FRAS1: variants seen among roughly 807,000 people sequenced by gnomAD.
FRAS1 encodes the protein extracellular matrix organizing protein FRAS1.
Under a neutral mutation model 435.2 loss-of-function variants are expected in FRAS1, and 290 were observed. That is an observed-to-expected ratio of 0.67 (90% CI 0.61 to 0.73). The LOEUF (loss-of-function observed/expected upper bound fraction) is 0.73. FRAS1 is among the 30% of genes least tolerant of loss of function. FRAS1 has a pLI of 0.00. For missense variants in FRAS1, 4,860 were observed against 5,001.5 expected (o/e 0.97, Z 0.85); for synonymous variants, 1,800 against 1,851.0 (o/e 0.97, Z 0.71).
chr4:78,096,662 T>C (rs1456804538), intron 2 of FRAS1, among the ~76,000 whole-genome samples: 1 of 152,222 alleles, frequency 6.6e-6, no homozygotes, highest in African/African-American at 2.4e-5. Context: ...AGCCATGGCC[T>C]GAGCTCTACA....
intron 23 of FRAS1, among the ~76,000 whole-genome samples, chr4:78,370,375 T>G (rs1731455815): frequency 1.3e-5 from 2 of 152,166 alleles, no homozygotes; most frequent in Non-Finnish European, 2.9e-5. Context: ...TTTTCAAGTG[T>G]TGTTGGTTTT....
chr4:78,066,514 G>C (rs778856629), intron 2 of FRAS1, among the ~76,000 whole-genome samples: 1 of 152,092 alleles, frequency 6.6e-6, no homozygotes, highest in African/African-American at 2.4e-5. Flanking sequence ...TGCCATATAG[G>C]GTAAAATTGA....
At chr4:78,073,984 G>A (rs1385356620) in intron 2 of FRAS1, among the ~76,000 whole-genome samples, 1 of 152,108 alleles carries the variant, frequency 6.6e-6, no homozygotes, top group African/African-American at 2.4e-5. Context: ...GAGTTTATAA[G>A]CTAAATGAAA....
Position 78,281,425 on chromosome 4 carries a change from C to T in FRAS1, c.1099C>T (p.Arg367Cys), listed in dbSNP as rs761271071. ...FMSSNASEVKRIPEGEKWEDG... is the reference protein window; with the variant it reads ...FMSSNASEVKCIPEGEKWEDG... The stretch of plus-strand genomic sequence containing the variant: ...GTCATCAAATGCTAGTGAAGTTAAA[C>T]GTATTCCAGTAAGTATAGCTTTTTA... The change falls in exon 11 of 74, where the codon CGT becomes TGT. Residue 367 changes from arginine to cysteine, a missense_variant. By Grantham distance (180) the Arg-to-Cys change is radical. Transcript: ENST00000512123. 48 of 1,568,624 alleles carry T rather than the reference C, an allele frequency of 3.1e-5. No homozygotes were observed. The highest frequency in any genetic ancestry group is 4.9e-5 in the South Asian group (4 of 82,258).
intron 2 of FRAS1, among the ~76,000 whole-genome samples, chr4:78,151,753 G>T (rs1047803387): frequency 2.0e-5 from 3 of 152,154 alleles, no homozygotes; most frequent in Non-Finnish European, 4.4e-5. Flanking sequence ...GCATTCGGTT[G>T]CAATTCTCTC....
intron 34 of FRAS1, among the ~76,000 whole-genome samples, chr4:78,423,629 G>T (rs1482845669): frequency 6.6e-6 from 1 of 152,182 alleles, no homozygotes; most frequent in East Asian, 1.9e-4. Flanking sequence ...CATTTAAAAT[G>T]ATGTTTGCCA....
rs76554382 is a variant in FRAS1, at chr4:78,519,830, T to A, written c.10540+349T>A. Among the ~76,000 whole-genome samples the A allele has an allele frequency of 4.3e-3, 662 of 152,334 alleles. 6 individuals are homozygous for A. The highest frequency in any genetic ancestry group is 0.015 in the African/African-American group (618 of 41,568). On this transcript the variant is annotated intron_variant, in intron 67 of 73. Transcript: ENST00000512123. ...GTGAAAAATTGTGTGGTTCTTGTTT[T>A]TACAGAGCAAAAGGATCTTCAAATC...
At chr4:78,519,591 C>G in intron 67 of FRAS1, 110 bp downstream of exon 67, 1 of 1,315,458 alleles carries the variant, frequency 7.6e-7, no homozygotes, top group Non-Finnish European at 1.0e-6. Flanking sequence ...CCTGTTATCC[C>G]GAAGACAAAG....
intron 38 of FRAS1, among the ~76,000 whole-genome samples, chr4:78,436,644 C>T (rs867521472): frequency 7.8e-4 from 118 of 151,804 alleles, no homozygotes; most frequent in African/African-American, 2.6e-3. Flanking sequence ...TGAATTATAG[C>T]GACGTCCAAC....
At chr4:78,244,581 C>A (rs370846742) in intron 3 of FRAS1, among the ~76,000 whole-genome samples, 1 of 152,146 alleles carries the variant, frequency 6.6e-6, no homozygotes, top group African/African-American at 2.4e-5. Flanking sequence ...ACATGTGACA[C>A]CTCCCCAGTA....
At chr4:78,472,548 C>T (rs911960144) in intron 52 of FRAS1, among the ~76,000 whole-genome samples, 5 of 152,114 alleles carry the variant, frequency 3.3e-5, no homozygotes, top group Non-Finnish European at 5.9e-5. Flanking sequence ...TCACCTTTAC[C>T]GTGCTTCCTC....
chr4:78,181,807 G>A (rs780058986), intron 2 of FRAS1: 101 of 1,611,998 alleles, frequency 6.3e-5, no homozygotes, highest in Non-Finnish European at 8.6e-5. Context: ...GGGGCAGCGG[G>A]TTCTTGCGGT....
At position 78,452,565 on chromosome 4, in the gene FRAS1, T is replaced by C. The variant is rs570136629; in HGVS notation, c.6763+211T>C. Reference sequence around the variant, plus strand: ...TACTTACTGAAGGTAAATTAAAAGTTACATGTAAAATTTTCTATATGCAAT... The same window carrying C: ...TACTTACTGAAGGTAAATTAAAAGTCACATGTAAAATTTTCTATATGCAAT... On this transcript the variant is annotated intron_variant, in intron 47 of 73. Coordinates refer to ENST00000512123, the MANE Select transcript of FRAS1 (RefSeq NM_025074.7). Among the ~76,000 whole-genome samples, 7 of 152,342 alleles carry C rather than the reference T, an allele frequency of 4.6e-5. No homozygotes were observed. In the East Asian group the frequency reaches 1.3e-3, roughly 29 times the overall value.
Position 78,397,476 on chromosome 4 carries a change from G to A in FRAS1, c.3976-3258G>A, listed in dbSNP as rs571134869. Among the ~76,000 whole-genome samples the A allele has an allele frequency of 7.2e-5, 11 of 152,324 alleles. No homozygotes were observed. In the East Asian group the frequency reaches 1.2e-3, roughly 16 times the overall value. ...CTGCATGGGCTCATGTGCACCATCCGAAGAGCCTGAATGTACTCTCTTCAG... is the reference window on the plus strand; with the variant it reads ...CTGCATGGGCTCATGTGCACCATCCAAAGAGCCTGAATGTACTCTCTTCAG... On this transcript the variant is annotated intron_variant, in intron 29 of 73. Transcript: ENST00000512123.
intron 2 of FRAS1, among the ~76,000 whole-genome samples, chr4:78,105,581 C>T (rs1742368068): frequency 6.6e-6 from 1 of 152,124 alleles, no homozygotes; most frequent in Non-Finnish European, 1.5e-5. Context: ...ATGTGTTTGA[C>T]AAGAGATGGG....
At chr4:78,490,840 C>CT (rs1209046439) in intron 59 of FRAS1, among the ~76,000 whole-genome samples, 3 of 147,480 alleles carry the variant, frequency 2.0e-5, no homozygotes, top group Non-Finnish European at 3.0e-5. Flanking sequence ...AGGAAAAATC[C>CT]TTCAAAAAAA....
chr4:78,499,856 G>A lies in FRAS1; in HGVS notation c.9251G>A (p.Arg3084Gln), dbSNP rs752530353. 25 of 1,613,320 alleles carry A rather than the reference G, an allele frequency of 1.5e-5. No individual in the cohort carries two copies. Among genetic ancestry groups the A allele is most frequent in the East Asian group, 8.9e-5 (4 of 44,884 alleles). The change falls in exon 61 of 74, where the codon CGG (arginine) becomes CAG (glutamine). Residue 3084 changes from arginine (R) to glutamine (Q), a missense_variant. Transcript: ENST00000512123. ...ACCTCCAAGGTTCGCTGCAGCACGCGGGATGGCTCTGCCCAGTCTGGTGTG... is the reference window on the plus strand; with the variant it reads ...ACCTCCAAGGTTCGCTGCAGCACGCAGGATGGCTCTGCCCAGTCTGGTGTG... Reference protein sequence around the residue: ...NRTSKVRCSTRDGSAQSGVDY... With the variant: ...NRTSKVRCSTQDGSAQSGVDY...
intron 2 of FRAS1, among the ~76,000 whole-genome samples, chr4:78,171,103 G>T (rs1721533837): frequency 6.6e-6 from 1 of 152,026 alleles, no homozygotes; most frequent in South Asian, 2.1e-4. Context: ...GCTTGTCTGT[G>T]ATTGGTTCTC....
At chr4:78,513,686 G>T (rs966317127) in intron 65 of FRAS1, 134 bp downstream of exon 65, 1 of 776,282 alleles carries the variant, frequency 1.3e-6, no homozygotes, top group South Asian at 1.7e-5. Context: ...TTTCCTTCTA[G>T]CACACATGCA....
Sources: allele counts gnomAD v4.1 joint callset (sites outside exome capture counted in the v4.1 genomes callset), GRCh38; gene constraint gnomAD v4.1.1; transcripts MANE v1.5; gene names NCBI Gene and HGNC (gene_info 2026-07-23, HGNC 2026-07-21).